The following SLCO3A1 variants were observed in gnomAD, a reference collection of about 807,000 sequenced individuals.
The protein encoded by SLCO3A1 is solute carrier organic anion transporter family member 3A1.
A neutral mutation model predicts 63.1 loss-of-function variants in SLCO3A1; 27 were observed. The ratio of observed to expected loss-of-function variants is 0.43; its 90% CI spans 0.32 to 0.59. The LOEUF (loss-of-function observed/expected upper bound fraction) is 0.59, where lower values mean the gene tolerates loss of function less well. Among genes scored for constraint, SLCO3A1 ranks in the 20% least tolerant of loss-of-function variants. The pLI is 0.09. For synonymous variants in SLCO3A1, 473 were observed against 409.9 expected (o/e 1.15, Z -1.86); for missense variants, 773 against 945.8 (o/e 0.82, Z 2.40).
At chr15:91,858,631 C>G (rs1896980354) in intron 1 of SLCO3A1, among the ~76,000 whole-genome samples, 1 of 152,242 alleles carries the variant, frequency 6.6e-6, no homozygotes, top group Admixed American at 6.5e-5. Flanking sequence ...AGAGGCCTCT[C>G]TGCAGTGGCA....
intron 4 of SLCO3A1, among the ~76,000 whole-genome samples, chr15:92,114,155 C>T (rs1247522612): frequency 2.0e-5 from 3 of 152,148 alleles, no homozygotes; most frequent in Non-Finnish European, 2.9e-5. Context: ...AACAAATAAG[C>T]TCCCCCTGAC....
intron 7 of SLCO3A1, among the ~76,000 whole-genome samples, chr15:92,133,441 C>T (rs573275145): frequency 1.4e-5 from 2 of 146,082 alleles, no homozygotes; most frequent in South Asian, 2.2e-4. Context: ...TGCCAGTCTG[C>T]GGTACTGGTA....
chr15:92,163,045 C>T lies in SLCO3A1; in HGVS notation c.2043C>T (p.Asp681=). Reference sequence around the variant, plus strand: ...TGACCCTAGACAACCTGGGGAGGGACCCTGTGCCCGCAAACCAGACACATA... The same window carrying T: ...TGACCCTAGACAACCTGGGGAGGGATCCTGTGCCCGCAAACCAGACACATA... ...STLTLDNLGR[D]PVPANQTHRT... is the part of the protein sequence containing the mutation. The change falls in exon 10 of 10, where the codon GAC becomes GAT. Residue 681 remains aspartate, a synonymous_variant. Transcript: ENST00000318445. 3.8e-6 allele frequency: 6 copies of T among 1,587,594 alleles called. No homozygotes were observed. Among genetic ancestry groups the T allele is most frequent in the Non-Finnish European group, 5.1e-6 (6 of 1,167,150 alleles).
At chr15:92,063,897 T>C (rs1216996547) in intron 2 of SLCO3A1, among the ~76,000 whole-genome samples, 1 of 152,150 alleles carries the variant, frequency 6.6e-6, no homozygotes, top group African/African-American at 2.4e-5. Flanking sequence ...GGCATTGTTT[T>C]ATTGTTGTTG....
intron 2 of SLCO3A1, among the ~76,000 whole-genome samples, chr15:92,019,080 TGC>T (rs34673014): frequency 0.2 from 30,925 of 152,006 alleles, 3,385 homozygotes; most frequent in African/African-American, 0.25. Context: ...GAGGGGCTGA[TGC>T]GCGGTTCCTA....
chr15:91,977,775 G>A (rs550928335), intron 2 of SLCO3A1, among the ~76,000 whole-genome samples: 1 of 152,230 alleles, frequency 6.6e-6, no homozygotes, highest in South Asian at 2.1e-4. Flanking sequence ...GGACAATAGC[G>A]TCCTAAGATA....
downstream of SLCO3A1, among the ~76,000 whole-genome samples, chr15:92,167,318 T>A (rs55791666): frequency 5.3e-5 from 8 of 152,066 alleles, no homozygotes; most frequent in Non-Finnish European, 1.0e-4. Flanking sequence ...CTCTCAACCA[T>A]GATCCATGTT....
In SLCO3A1 at chr15:92,120,646, G is replaced by C. The variant is rs2047852338; in HGVS notation, c.1174+17G>C. ...AGCTGCTTGGTGAGTGTGTCCTCAGGCCTCCTGAGAGGGTCGGGGGAGGGT... is the reference window on the plus strand; with the variant it reads ...AGCTGCTTGGTGAGTGTGTCCTCAGCCCTCCTGAGAGGGTCGGGGGAGGGT... On this transcript the variant is annotated intron_variant, in intron 5 of 9. Coordinates refer to ENST00000318445, the MANE Select transcript of SLCO3A1 (RefSeq NM_013272.4). The C allele has an allele frequency of 6.2e-7, 1 of 1,611,974 alleles. No individual in the cohort carries two copies. Among genetic ancestry groups the C allele is most frequent in the Admixed American group, 1.7e-5 (1 of 59,886 alleles).
intron 1 of SLCO3A1, among the ~76,000 whole-genome samples, chr15:91,868,086 C>G (rs1163713901): frequency 6.6e-6 from 1 of 152,024 alleles, no homozygotes; most frequent in African/African-American, 2.4e-5. Flanking sequence ...GAGTCTCGCT[C>G]TGTCGCCCAG....
intron 1 of SLCO3A1, among the ~76,000 whole-genome samples, chr15:91,879,157 G>C (rs545090449): frequency 6.6e-6 from 1 of 152,260 alleles, no homozygotes; most frequent in African/African-American, 2.4e-5. Context: ...TAATCGGATA[G>C]GCCATGGTTA....
intron 2 of SLCO3A1, among the ~76,000 whole-genome samples, chr15:92,053,175 C>CA (rs2046978098): frequency 6.6e-6 from 1 of 152,138 alleles, no homozygotes; most frequent in African/African-American, 2.4e-5. Context: ...TGAGCAGGAC[C>CA]AGCACAGTCT....
At chr15:92,061,159 T>C (rs546813210) in intron 2 of SLCO3A1, among the ~76,000 whole-genome samples, 57 of 152,354 alleles carry the variant, frequency 3.7e-4, no homozygotes, top group African/African-American at 1.4e-3. Context: ...CTTTTCTACC[T>C]TTGCACTGGG....
At chr15:91,919,094 T>C (rs1898756157) in intron 2 of SLCO3A1, among the ~76,000 whole-genome samples, 1 of 152,220 alleles carries the variant, frequency 6.6e-6, no homozygotes. Flanking sequence ...TGCAGATCAG[T>C]GGTGATGACA....
chr15:91,930,307 G>A (rs1899181039), intron 2 of SLCO3A1, among the ~76,000 whole-genome samples: 1 of 152,106 alleles, frequency 6.6e-6, no homozygotes, highest in Non-Finnish European at 1.5e-5. Flanking sequence ...GTTTCACTGT[G>A]CCCAATCCAG....
chr15:92,034,664 C>T (rs530418505), intron 2 of SLCO3A1, among the ~76,000 whole-genome samples: 1 of 151,736 alleles, frequency 6.6e-6, no homozygotes, highest in Non-Finnish European at 1.5e-5. Flanking sequence ...GAAGCAGGAC[C>T]AACTGGGTTC....
intron 2 of SLCO3A1, among the ~76,000 whole-genome samples, chr15:92,007,981 C>T (rs1254808248): frequency 2.0e-5 from 3 of 152,102 alleles, no homozygotes; most frequent in Non-Finnish European, 4.4e-5. Flanking sequence ...TTGGTGATTT[C>T]GAACCTACAG....
In SLCO3A1 at chr15:91,882,578, G is replaced by A. The variant is rs973045303; in HGVS notation, c.180+28490G>A. Among the ~76,000 whole-genome samples the A allele has an allele frequency of 2.0e-5, 3 of 151,030 alleles. No homozygotes were observed. The highest frequency in any genetic ancestry group is 2.9e-5 in the Non-Finnish European group (2 of 67,850). On this transcript the variant is annotated intron_variant, in intron 1 of 9. Transcript: ENST00000318445. The surrounding 1 kb of genome is among the most constrained non-coding windows in gnomAD (Gnocchi z 4.4). ...CGCCCAGGCCCGAGTGCAGTGGCATGATCTCAGCTCACTGCAACCTCCGCC... is the reference window on the plus strand; with the variant it reads ...CGCCCAGGCCCGAGTGCAGTGGCATAATCTCAGCTCACTGCAACCTCCGCC...
At chr15:92,150,273 A>T (rs559302871) in intron 8 of SLCO3A1, among the ~76,000 whole-genome samples, 1 of 152,284 alleles carries the variant, frequency 6.6e-6, no homozygotes, top group Non-Finnish European at 1.5e-5. Context: ...AGCTAATTAG[A>T]TGGTGCCCAC....
At chr15:91,963,847 A>G (rs1306231618) in intron 2 of SLCO3A1, among the ~76,000 whole-genome samples, 1 of 152,066 alleles carries the variant, frequency 6.6e-6, no homozygotes, top group Non-Finnish European at 1.5e-5. Flanking sequence ...CGAAAGAACA[A>G]AGCTTCCACG....
Sources: allele counts gnomAD v4.1 joint callset (sites outside exome capture counted in the v4.1 genomes callset), GRCh38; gene constraint gnomAD v4.1.1; non-coding constraint Gnocchi (gnomAD v3.1); transcripts MANE v1.5; gene names NCBI Gene and HGNC (gene_info 2026-07-23, HGNC 2026-07-21).